NCKAP5: variants seen among roughly 807,000 people sequenced by gnomAD.
The protein encoded by NCKAP5 is nck-associated protein 5.
In NCKAP5, 92 loss-of-function variants were observed where a neutral mutation model predicts 167.0. That is an observed-to-expected ratio of 0.55 (90% CI 0.47 to 0.66). The LOEUF is 0.66. Among genes scored for constraint, NCKAP5 ranks in the 30% least tolerant of loss-of-function variants. NCKAP5 has a pLI of 0.00. For missense variants in NCKAP5, 2,378 were observed against 2,315.0 expected (o/e 1.03, Z -0.56); for synonymous variants, 891 against 877.4 (o/e 1.02, Z -0.27).
At chr2:132,732,097 T>G (rs370087547) in intron 16 of NCKAP5, 46 bp from the exon 17 acceptor site, 1 of 1,491,174 alleles carries the variant, frequency 6.7e-7, no homozygotes, top group Admixed American at 2.2e-5. Context: ...AAGGCTCACA[T>G]AAAAGGATAA....
chr2:133,502,040 C>T (rs1279145538), intron 3 of NCKAP5, among the ~76,000 whole-genome samples: 1 of 152,164 alleles, frequency 6.6e-6, no homozygotes, highest in African/African-American at 2.4e-5. Flanking sequence ...CTTGAGTGTC[C>T]GTTCGCCTCG....
intron 8 of NCKAP5, among the ~76,000 whole-genome samples, chr2:132,920,680 A>ATAT (rs1558942415): frequency 1.2e-5 from 1 of 83,404 alleles, no homozygotes; most frequent in African/African-American, 8.2e-5. Flanking sequence ...TATATATATA[A>ATAT]GTTAGTTTAT....
chr2:133,628,607 T>C, the NCKAP5 span, among the ~76,000 whole-genome samples: 1 of 152,134 alleles, frequency 6.6e-6, no homozygotes, highest in Non-Finnish European at 1.5e-5. Context: ...TAAACTACCA[T>C]TGACATTCTT....
At chr2:133,240,498 C>T (rs2087640226) in intron 4 of NCKAP5, among the ~76,000 whole-genome samples, 1 of 152,138 alleles carries the variant, frequency 6.6e-6, no homozygotes, top group Non-Finnish European at 1.5e-5. Flanking sequence ...TATTTTTCAT[C>T]CAGATGGCTG....
intron 19 of NCKAP5, among the ~76,000 whole-genome samples, chr2:132,700,926 TGG>T (rs1183651068): frequency 1.7e-4 from 4 of 23,714 alleles, no homozygotes; most frequent in African/African-American, 4.0e-4. Flanking sequence ...TACAATCCCC[TGG>T]GCGGGGGGGG....
chr2:132,965,658 T>C (rs1465377860), intron 7 of NCKAP5, among the ~76,000 whole-genome samples: 1 of 152,166 alleles, frequency 6.6e-6, no homozygotes, highest in Non-Finnish European at 1.5e-5. Flanking sequence ...GATTTCATCA[T>C]TGTGTAAACA....
At chr2:133,190,541 A>G (rs2085167538) in intron 5 of NCKAP5, among the ~76,000 whole-genome samples, 1 of 152,228 alleles carries the variant, frequency 6.6e-6, no homozygotes, top group African/African-American at 2.4e-5. Flanking sequence ...TACAGTAACC[A>G]AAACAGCATG....
intron 7 of NCKAP5, among the ~76,000 whole-genome samples, chr2:132,991,080 G>A (rs2077435159): frequency 6.6e-6 from 1 of 152,166 alleles, no homozygotes; most frequent in African/African-American, 2.4e-5. Context: ...CTCAGCATAA[G>A]AGCTAATGCT....
chr2:132,813,414 G>A (rs1462154406), intron 11 of NCKAP5, among the ~76,000 whole-genome samples: 2 of 152,206 alleles, frequency 1.3e-5, no homozygotes, highest in Admixed American at 1.3e-4. Context: ...ACTGCAGATG[G>A]GTCTCTGGGA....
At chr2:133,548,628 A>G (rs1007336546) in intron 2 of NCKAP5, among the ~76,000 whole-genome samples, 4 of 152,052 alleles carry the variant, frequency 2.6e-5, no homozygotes, top group African/African-American at 9.7e-5. Context: ...CAGCCAAACT[A>G]AGCTTCATAA....
chr2:133,035,552 C>G (rs2079015282), intron 6 of NCKAP5, among the ~76,000 whole-genome samples: 1 of 151,892 alleles, frequency 6.6e-6, no homozygotes, highest in Non-Finnish European at 1.5e-5. Flanking sequence ...GAAATAATAT[C>G]AAGCATCTTC....
intron 3 of NCKAP5, among the ~76,000 whole-genome samples, chr2:133,400,136 C>T (rs1437366854): frequency 3.3e-5 from 5 of 152,096 alleles, no homozygotes; most frequent in African/African-American, 7.2e-5. Context: ...TTTTATCCAT[C>T]CTTTTACAGA....
intron 6 of NCKAP5, among the ~76,000 whole-genome samples, chr2:133,023,642 C>CT (rs1190579193): frequency 6.6e-6 from 1 of 152,112 alleles, no homozygotes; most frequent in African/African-American, 2.4e-5. Flanking sequence ...TTATTCCTAT[C>CT]TTTGTGTCCA....
At chr2:132,928,208 G>A (rs947899777) in intron 8 of NCKAP5, among the ~76,000 whole-genome samples, 1 of 152,176 alleles carries the variant, frequency 6.6e-6, no homozygotes, top group African/African-American at 2.4e-5. Context: ...ATCTCCACCT[G>A]TAAAATGGTT....
chr2:133,647,012 T>C, the NCKAP5 span, among the ~76,000 whole-genome samples: 10 of 151,268 alleles, frequency 6.6e-5, no homozygotes, highest in African/African-American at 2.2e-4. Context: ...TCAAAATATA[T>C]CAGTACAAAA....
chr2:132,881,693 C>T (rs1691771972), intron 8 of NCKAP5, among the ~76,000 whole-genome samples: 1 of 151,822 alleles, frequency 6.6e-6, no homozygotes, highest in African/African-American at 2.4e-5. Flanking sequence ...CTCAGTGCAT[C>T]ATAGCAGCCA....
chr2:132,731,465 T>G (rs1296997628), intron 17 of NCKAP5, among the ~76,000 whole-genome samples: 3 of 152,210 alleles, frequency 2.0e-5, no homozygotes, highest in African/African-American at 7.2e-5. Flanking sequence ...CACAAGTGTA[T>G]GTTGCATGGC....
chr2:133,207,815 A>G lies in NCKAP5; in HGVS notation c.207+5901T>C, dbSNP rs140971590. 7.2e-5 allele frequency among the ~76,000 whole-genome samples: 11 copies of G among 152,362 alleles called. No homozygotes were observed. In the East Asian group the frequency reaches 2.1e-3, roughly 29 times the overall value. Reference sequence around the variant, plus strand: ...TAAATAAATGATTGAATAAATAATAAGGAAGAAGAGACAAACATCCCATGC... The same window carrying G: ...TAAATAAATGATTGAATAAATAATAGGGAAGAAGAGACAAACATCCCATGC... On this transcript the variant is annotated intron_variant, in intron 5 of 19. Transcript: ENST00000409261.
intron 9 of NCKAP5, 82 bp from the exon 10 acceptor site, chr2:132,869,056 G>A (rs769183187): frequency 1.9e-4 from 192 of 1,008,302 alleles, no homozygotes; most frequent in Middle Eastern, 5.2e-4. Context: ...TAAGTTTCTC[G>A]CAGCTTATTG....
Sources: gnomAD v4.1 joint callset for allele counts (sites outside exome capture counted in the v4.1 genomes callset) on GRCh38, gnomAD v4.1.1 for gene constraint, MANE v1.5 for transcripts, NCBI Gene and HGNC (gene_info 2026-07-23, HGNC 2026-07-21) for gene names.